WDR70: variants seen among roughly 807,000 people sequenced by gnomAD.
The protein encoded by WDR70 is WD repeat-containing protein 70.
A neutral mutation model predicts 88.6 loss-of-function variants in WDR70; 53 were observed. The ratio of observed to expected loss-of-function variants is 0.60; its 90% CI spans 0.48 to 0.75. The LOEUF (loss-of-function observed/expected upper bound fraction) is 0.75, where lower values mean the gene tolerates loss of function less well. Among genes scored for constraint, WDR70 ranks in the 30% least tolerant of loss-of-function variants. The probability of loss-of-function intolerance (pLI) is 0.00; values close to 1 mark genes in which losing one functional copy is unlikely to be tolerated. For missense variants in WDR70, 610 were observed against 823.2 expected (o/e 0.74, Z 3.17); for synonymous variants, 280 against 270.0 (o/e 1.04, Z -0.36).
chr5:37,681,552 G>A (rs185035654), intron 10 of WDR70, among the ~76,000 whole-genome samples: 1 of 152,206 alleles, frequency 6.6e-6, no homozygotes, highest in Admixed American at 6.5e-5. Flanking sequence ...TCATTATGAT[G>A]TTGGCTGTGG....
At chr5:37,675,581 C>G (rs1746178364) in intron 10 of WDR70, among the ~76,000 whole-genome samples, 1 of 152,004 alleles carries the variant, frequency 6.6e-6, no homozygotes, top group Non-Finnish European at 1.5e-5. Context: ...CTGTTCTGTT[C>G]CATTGATCTA....
intron 5 of WDR70, among the ~76,000 whole-genome samples, chr5:37,423,994 C>A (rs1434212208): frequency 6.7e-6 from 1 of 149,532 alleles, no homozygotes; most frequent in Non-Finnish European, 1.5e-5. Context: ...ACTAAAAATA[C>A]AAAAATTAGC....
At chr5:37,452,597 G>A (rs188737313) in intron 7 of WDR70, among the ~76,000 whole-genome samples, 2 of 152,222 alleles carry the variant, frequency 1.3e-5, no homozygotes, top group East Asian at 1.9e-4. Context: ...TTTAAATTAC[G>A]TTTTTCACCC....
At chr5:37,732,823 C>T (rs929262060) in intron 17 of WDR70, among the ~76,000 whole-genome samples, 2 of 151,960 alleles carry the variant, frequency 1.3e-5, no homozygotes, top group South Asian at 2.1e-4. Context: ...GTTTTTCTCA[C>T]GTAAAAAATT....
intron 7 of WDR70, among the ~76,000 whole-genome samples, chr5:37,450,753 G>GT (rs1453193906): frequency 4.6e-5 from 7 of 152,232 alleles, no homozygotes; most frequent in Non-Finnish European, 8.8e-5. Flanking sequence ...GGTTGGCAAA[G>GT]TTTTTTTATA....
intron 9 of WDR70, among the ~76,000 whole-genome samples, chr5:37,578,509 T>A (rs1743120946): frequency 6.6e-6 from 1 of 152,224 alleles, no homozygotes; most frequent in African/African-American, 2.4e-5. Flanking sequence ...TTTATGAAAT[T>A]TTAATAACAC....
intron 8 of WDR70, among the ~76,000 whole-genome samples, chr5:37,491,638 T>C (rs1033459195): frequency 1.3e-5 from 2 of 152,190 alleles, no homozygotes; most frequent in African/African-American, 4.8e-5. Context: ...ATAGTACGTG[T>C]AGTCATTCTG....
At chr5:37,583,810 C>G (rs1743289048) in intron 9 of WDR70, among the ~76,000 whole-genome samples, 1 of 152,114 alleles carries the variant, frequency 6.6e-6, no homozygotes, top group Non-Finnish European at 1.5e-5. Flanking sequence ...GCAAGACTTT[C>G]AGAGTAATTA....
intron 5 of WDR70, among the ~76,000 whole-genome samples, chr5:37,415,202 A>G (rs1238153654): frequency 3.3e-5 from 5 of 151,768 alleles, no homozygotes; most frequent in Admixed American, 6.6e-5. Flanking sequence ...AGACACAGCA[A>G]CCATCCGATT....
intron 15 of WDR70, 48 bp downstream of exon 15, chr5:37,722,982 A>G: frequency 6.2e-7 from 1 of 1,601,908 alleles, no homozygotes; most frequent in Non-Finnish European, 8.6e-7. Context: ...TTCTACTCTC[A>G]TGTGGTTTTG....
chr5:37,501,556 G>C (rs1253139330), intron 8 of WDR70, among the ~76,000 whole-genome samples: 3 of 152,170 alleles, frequency 2.0e-5, no homozygotes, highest in Non-Finnish European at 4.4e-5. Flanking sequence ...ACACATTTGT[G>C]TTGGGCCACA....
At chr5:37,677,177 A>G (rs1746254140) in intron 10 of WDR70, among the ~76,000 whole-genome samples, 1 of 152,050 alleles carries the variant, frequency 6.6e-6, no homozygotes, top group South Asian at 2.1e-4. Flanking sequence ...GATCCTTTCA[A>G]AAAATCAGCT....
chr5:37,629,518 C>T (rs544027822), intron 10 of WDR70, among the ~76,000 whole-genome samples: 48 of 152,282 alleles, frequency 3.2e-4, no homozygotes, highest in Non-Finnish European at 5.4e-4. Context: ...GATCTATCTT[C>T]AAGTTCAGAA....
chr5:37,722,010 A>T (rs985458972), intron 14 of WDR70: 1 of 152,142 alleles, frequency 6.6e-6, no homozygotes, highest in Non-Finnish European at 1.5e-5. Flanking sequence ...ATGAATATTC[A>T]TTGGCCATAA....
rs781481402 is a variant in WDR70 at position 37,392,049 on chromosome 5, A to G, written c.225A>G (p.Arg75=). The change falls in exon 4 of 18, where the codon AGA becomes AGG. Residue 75 remains arginine, a synonymous_variant. Transcript: ENST00000265107. ...TGAACAGAGAGAAAGAATTAAGAAGACAAAATGAAGATATTGAGCCAACAT... is the reference window on the plus strand; with the variant it reads ...TGAACAGAGAGAAAGAATTAAGAAGGCAAAATGAAGATATTGAGCCAACAT... ...EEMNREKELR[R]QNEDIEPTSS... The G allele has an allele frequency of 1.2e-6, 2 of 1,613,092 alleles. No individual in the cohort carries two copies. The highest frequency in any genetic ancestry group is 1.7e-6 in the Non-Finnish European group (2 of 1,179,714).
chr5:37,739,502 G>A (rs1748404485), intron 17 of WDR70, among the ~76,000 whole-genome samples: 1 of 152,204 alleles, frequency 6.6e-6, no homozygotes, highest in African/African-American at 2.4e-5. Context: ...GAATGGGTAG[G>A]TGACAGAATT....
rs577941760 is a variant in WDR70 at position 37,654,412 on chromosome 5, A to G, written c.1093-43243A>G. Among the ~76,000 whole-genome samples, 22 of 152,260 alleles carry G rather than the reference A, an allele frequency of 1.4e-4. No homozygotes were observed. In the South Asian group the frequency reaches 4.6e-3, roughly 32 times the overall value. On this transcript the variant is annotated intron_variant, in intron 10 of 17. Coordinates refer to ENST00000265107, the MANE Select transcript of WDR70 (RefSeq NM_018034.4). ...TGCGATGGGGTGCTGAGAAGAATGT[A>G]TGTTCTGTTGATCTGGTGTGGAGAG...
At chr5:37,745,162 C>T (rs1039741269) in intron 17 of WDR70, among the ~76,000 whole-genome samples, 1 of 152,026 alleles carries the variant, frequency 6.6e-6, no homozygotes. Context: ...AATTTCATAT[C>T]CAGCCAAACT....
At chr5:37,484,554 G>C in intron 8 of WDR70, among the ~76,000 whole-genome samples, 1 of 152,140 alleles carries the variant, frequency 6.6e-6, no homozygotes, top group East Asian at 1.9e-4. Flanking sequence ...GGAAAGAGAG[G>C]GAGAGGGAGA....
Sources: gnomAD v4.1 joint callset for allele counts (sites outside exome capture counted in the v4.1 genomes callset) on GRCh38, gnomAD v4.1.1 for gene constraint, MANE v1.5 for transcripts, NCBI Gene and HGNC (gene_info 2026-07-23, HGNC 2026-07-21) for gene names.